The following LOC400499 variants were observed in gnomAD, a reference collection of about 807,000 sequenced individuals.
At chr16:11,507,069 A>G in the LOC400499 span, among the ~76,000 whole-genome samples, 6 of 152,200 alleles carry the variant, frequency 3.9e-5, no homozygotes, top group African/African-American at 1.4e-4. Context: ...CCAAAAGTGG[A>G]GATCGAGGCC....
the LOC400499 span, among the ~76,000 whole-genome samples, chr16:11,505,694 C>T: frequency 6.6e-6 from 1 of 151,878 alleles, no homozygotes; most frequent in South Asian, 2.1e-4. Context: ...AGTGATCCAC[C>T]CACCTCAGCC....
chr16:11,434,563 G>T, the LOC400499 span, among the ~76,000 whole-genome samples: 1 of 152,072 alleles, frequency 6.6e-6, no homozygotes, highest in African/African-American at 2.4e-5. Flanking sequence ...TGCTTGATGG[G>T]GAAAAAGACC....
the LOC400499 span, among the ~76,000 whole-genome samples, chr16:11,427,723 G>A: frequency 6.6e-6 from 1 of 152,160 alleles, no homozygotes; most frequent in Admixed American, 6.5e-5. Context: ...TGGGATTATA[G>A]GTGTGAGCCA....
the LOC400499 span, among the ~76,000 whole-genome samples, chr16:11,521,254 G>A: frequency 6.6e-6 from 1 of 152,172 alleles, no homozygotes; most frequent in Non-Finnish European, 1.5e-5. Flanking sequence ...TATGAGATGA[G>A]ACTCCAACAG....
chr16:11,499,737 G>A, the LOC400499 span, among the ~76,000 whole-genome samples: 505 of 152,284 alleles, frequency 3.3e-3, no homozygotes, highest in African/African-American at 0.012. Flanking sequence ...CCTGGCACCA[G>A]CTGTGTCTTC....
At chr16:11,473,179 A>AT in the LOC400499 span, 1 of 151,686 alleles carries the variant, frequency 6.6e-6, no homozygotes, top group African/African-American at 2.4e-5. Flanking sequence ...TTAGAAAGAA[A>AT]ATCAGAAAGC....
the LOC400499 span, among the ~76,000 whole-genome samples, chr16:11,462,807 C>G: frequency 2.6e-5 from 4 of 152,190 alleles, no homozygotes; most frequent in African/African-American, 9.7e-5. Context: ...GACTCCTCTT[C>G]TCTCCTTGAC....
At chr16:11,515,276 T>A in the LOC400499 span, among the ~76,000 whole-genome samples, 1 of 151,470 alleles carries the variant, frequency 6.6e-6, no homozygotes, top group Non-Finnish European at 1.5e-5. Flanking sequence ...CAAGACACCA[T>A]CTCTACTAAA....
At chr16:11,394,841 G>C in the LOC400499 span, among the ~76,000 whole-genome samples, 1 of 152,192 alleles carries the variant, frequency 6.6e-6, no homozygotes, top group African/African-American at 2.4e-5. Flanking sequence ...CTTTGAGAGG[G>C]AGTGTGGCCC....
At chr16:11,510,395 C>G in the LOC400499 span, among the ~76,000 whole-genome samples, 1 of 151,790 alleles carries the variant, frequency 6.6e-6, no homozygotes. Context: ...GCCCCAGGGC[C>G]TTTGCACTTC....
chr16:11,431,349 G>A, the LOC400499 span: 1 of 397,902 alleles, frequency 2.5e-6, no homozygotes, highest in Non-Finnish European at 4.4e-6. Context: ...AACCTCTCTG[G>A]GCATCAGTTT....
chr16:11,486,108 A>G, the LOC400499 span, among the ~76,000 whole-genome samples: 1 of 145,484 alleles, frequency 6.9e-6, no homozygotes, highest in Non-Finnish European at 1.5e-5. Context: ...AGATGGATGA[A>G]TGATACATGG....
chr16:11,504,599 G>A, the LOC400499 span, among the ~76,000 whole-genome samples: 9 of 151,838 alleles, frequency 5.9e-5, no homozygotes, highest in Non-Finnish European at 1.0e-4. Flanking sequence ...TAAGAAAACT[G>A]CCATCCCCAT....
chr16:11,487,375 G>C, the LOC400499 span: 2 of 399,188 alleles, frequency 5.0e-6, no homozygotes, highest in South Asian at 2.5e-4. Context: ...TTGGCTCCCA[G>C]GCTGCCAGAC....
chr16:11,426,614 A>G, the LOC400499 span, among the ~76,000 whole-genome samples: 1 of 151,958 alleles, frequency 6.6e-6, no homozygotes, highest in Admixed American at 6.6e-5. Context: ...ATAAGAAAAA[A>G]AAAAACCTAA....
the LOC400499 span, among the ~76,000 whole-genome samples, chr16:11,468,855 G>C: frequency 6.6e-6 from 1 of 152,190 alleles, no homozygotes; most frequent in Non-Finnish European, 1.5e-5. Flanking sequence ...TCGAACTCCT[G>C]ATTTCAGGTG....
At chr16:11,426,536 AC>A in the LOC400499 span, among the ~76,000 whole-genome samples, 5 of 152,170 alleles carry the variant, frequency 3.3e-5, no homozygotes, top group Non-Finnish European at 5.9e-5. Context: ...AAGAATGAGA[AC>A]AAGGTAAGAA....
chr16:11,492,558 G>T, the LOC400499 span, among the ~76,000 whole-genome samples: 1 of 151,912 alleles, frequency 6.6e-6, no homozygotes, highest in Non-Finnish European at 1.5e-5. Flanking sequence ...GCCGAGCTGG[G>T]AGGATCATGA....
the LOC400499 span, among the ~76,000 whole-genome samples, chr16:11,381,718 C>T: frequency 1.3e-5 from 2 of 152,208 alleles, no homozygotes; most frequent in Non-Finnish European, 2.9e-5. Context: ...TGGGTACACA[C>T]ACTAACCTCA....
Sources: gnomAD v4.1 joint callset for allele counts (sites outside exome capture counted in the v4.1 genomes callset) on GRCh38, gnomAD v4.1.1 for gene constraint, MANE v1.5 for transcripts.